Variants in EHD3 observed in about 807,000 individuals in gnomAD.
EHD3 encodes EH domain containing 3.
A neutral mutation model predicts 43.0 loss-of-function variants in EHD3; 17 were observed. The observed-to-expected ratio is 0.40, with a 90% CI of 0.27 to 0.59. EHD3 has a LOEUF of 0.59. Ranked by LOEUF, EHD3 falls within the 20% of genes least tolerant of loss-of-function variation. The pLI, the probability that EHD3 is intolerant of heterozygous loss-of-function variation, is 0.49. For synonymous variants in EHD3, 313 were observed against 289.5 expected, an observed-to-expected ratio of 1.08 and a Z score of -0.82; for missense variants, 594 against 705.6, an observed-to-expected ratio of 0.84 and a Z score of 1.79.
chr2:31,266,809 C>T lies in EHD3; in HGVS notation c.*105C>T, dbSNP rs1683962852. On this transcript the variant is annotated 3_prime_UTR_variant, in exon 6 of 6. Coordinates refer to ENST00000322054, the MANE Select transcript of EHD3 (RefSeq NM_014600.3). The surrounding 1 kb of genome is among the most constrained non-coding windows in gnomAD (Gnocchi z 5.1). Reference sequence around the variant, plus strand: ...ACACACACACAAACATGCACACACACATATGCATATCTTGACATTGCTCTG... The same window carrying T: ...ACACACACACAAACATGCACACACATATATGCATATCTTGACATTGCTCTG... The T allele has an allele frequency of 7.5e-7, 1 of 1,325,092 alleles. No homozygotes were observed. 82.1% of individuals were successfully genotyped at this position (1,325,092 alleles called of 1,614,324 possible).
chr2:31,248,806 G>T (rs150089301), intron 2 of EHD3, among the ~76,000 whole-genome samples: 27 of 152,284 alleles, frequency 1.8e-4, no homozygotes, highest in African/African-American at 5.3e-4. Context: ...ACAGCCACTT[G>T]GCCCACAAGG....
At chr2:31,258,232 T>G (rs1310636566) in intron 3 of EHD3, among the ~76,000 whole-genome samples, 1 of 152,116 alleles carries the variant, frequency 6.6e-6, no homozygotes, top group African/African-American at 2.4e-5. Flanking sequence ...TTCCTTTGTT[T>G]GTTAGAATTC....
intron 3 of EHD3, among the ~76,000 whole-genome samples, chr2:31,254,396 G>A (rs373405438): frequency 2.0e-4 from 30 of 152,314 alleles, no homozygotes; most frequent in African/African-American, 6.7e-4. Flanking sequence ...ACTACGTGCC[G>A]GTACAGGCAC....
intron 3 of EHD3, among the ~76,000 whole-genome samples, chr2:31,250,454 G>A (rs1683613701): frequency 6.6e-6 from 1 of 152,040 alleles, no homozygotes. Flanking sequence ...TTTTAGTAGA[G>A]ACGGAGTTTT....
At chr2:31,262,707 C>T (rs1683878130) in intron 5 of EHD3, among the ~76,000 whole-genome samples, 1 of 152,166 alleles carries the variant, frequency 6.6e-6, no homozygotes, top group African/African-American at 2.4e-5. Flanking sequence ...CACCTGAGGC[C>T]AGGAGTTCGA....
intron 1 of EHD3, among the ~76,000 whole-genome samples, chr2:31,235,121 C>G (rs1230196112): frequency 6.6e-6 from 1 of 152,160 alleles, no homozygotes; most frequent in Non-Finnish European, 1.5e-5. Context: ...CCAGTCTCCC[C>G]ATCTTATGGA....
intron 3 of EHD3, among the ~76,000 whole-genome samples, chr2:31,250,430 C>G (rs2148719366): frequency 6.6e-6 from 1 of 152,170 alleles, no homozygotes; most frequent in African/African-American, 2.4e-5. Flanking sequence ...CCACACCCAG[C>G]TAATTTTTTG....
intron 1 of EHD3, among the ~76,000 whole-genome samples, chr2:31,241,443 A>G (rs1683422452): frequency 6.6e-6 from 1 of 152,212 alleles, no homozygotes; most frequent in African/African-American, 2.4e-5. Flanking sequence ...CTCCTCCTTC[A>G]AATGGAATGA....
intron 1 of EHD3, among the ~76,000 whole-genome samples, chr2:31,242,433 T>C (rs1464121777): frequency 6.6e-6 from 1 of 152,216 alleles, no homozygotes. Flanking sequence ...TTTAAAAACA[T>C]AGCACAATTA....
At chr2:31,250,268 C>CTT (rs34290931) in intron 3 of EHD3, among the ~76,000 whole-genome samples, 1 of 126,076 alleles carries the variant, frequency 7.9e-6, no homozygotes, top group African/African-American at 2.8e-5. Flanking sequence ...TCGTTGTTTT[C>CTT]TTTTTTTTTT....
chr2:31,245,527 A>C, intron 2 of EHD3, among the ~76,000 whole-genome samples: 1 of 58,004 alleles, frequency 1.7e-5, no homozygotes, highest in Admixed American at 2.5e-4. Context: ...CTCTTATCCC[A>C]AATATATATA....
chr2:31,249,267 G>A (rs983176699), intron 2 of EHD3, 104 bp from the exon 3 acceptor site: 1 of 996,114 alleles, frequency 1.0e-6, no homozygotes, highest in Non-Finnish European at 1.5e-6. Flanking sequence ...CCTTCAGGAT[G>A]CACCTGCAGC....
At chr2:31,239,247 T>C (rs1683375068) in intron 1 of EHD3, among the ~76,000 whole-genome samples, 1 of 152,190 alleles carries the variant, frequency 6.6e-6, no homozygotes, top group Non-Finnish European at 1.5e-5. Context: ...ACCCACTCAC[T>C]GCAAAGTCCA....
chr2:31,251,611 T>C (rs961350632), intron 3 of EHD3, among the ~76,000 whole-genome samples: 1 of 152,084 alleles, frequency 6.6e-6, no homozygotes, highest in Non-Finnish European at 1.5e-5. Context: ...TTCTGGGACA[T>C]CACAGTGTCA....
rs1683986604 is a variant in EHD3 at position 31,267,891 on chromosome 2, T to C, written c.*1187T>C. 1 of 152,264 alleles carries C rather than the reference T, an allele frequency of 6.6e-6. No individual in the cohort carries two copies. Among genetic ancestry groups the C allele is most frequent in the South Asian group, 2.1e-4 (1 of 4,834 alleles). The allele number at this position is 152,264 out of a possible 1,614,324, so 9.4% of individuals were successfully genotyped here. A position where few individuals can be genotyped will look rare whatever the true frequency, so the allele number is the denominator to read the frequency against. Reference sequence around the variant, plus strand: ...TCTGTCACGTCACAGAAGCAAACCGTGCCTTCTGGCTCTGCGCCCCATATT... The same window carrying C: ...TCTGTCACGTCACAGAAGCAAACCGCGCCTTCTGGCTCTGCGCCCCATATT... On this transcript the variant is annotated 3_prime_UTR_variant, in exon 6 of 6. Coordinates refer to ENST00000322054, the MANE Select transcript of EHD3 (RefSeq NM_014600.3).
intron 3 of EHD3, among the ~76,000 whole-genome samples, chr2:31,251,881 C>T (rs1683642139): frequency 2.0e-5 from 3 of 152,146 alleles, no homozygotes; most frequent in Non-Finnish European, 4.4e-5. Context: ...ATTCCCAACC[C>T]CAAGTGGTTC....
At chr2:31,262,704 G>A (rs1223865534) in intron 5 of EHD3, among the ~76,000 whole-genome samples, 4 of 152,188 alleles carry the variant, frequency 2.6e-5, no homozygotes, top group Non-Finnish European at 5.9e-5. Flanking sequence ...GATCACCTGA[G>A]GCCAGGAGTT....
chr2:31,239,165 C>T (rs781741326), intron 1 of EHD3, among the ~76,000 whole-genome samples: 1 of 152,194 alleles, frequency 6.6e-6, no homozygotes, highest in Non-Finnish European at 1.5e-5. Context: ...GGCATTACAG[C>T]GCCACTGCGC....
chr2:31,267,017 C>T lies in EHD3; in HGVS notation c.*313C>T, dbSNP rs1490376678. On this transcript the variant is annotated 3_prime_UTR_variant, in exon 6 of 6. Transcript: ENST00000322054. ...ACCAGACCTGAGGCAATTCACTTGC[C>T]AGCACAGATGGCCAACCCACCTCCA... 2 of 320,512 alleles carry T rather than the reference C, an allele frequency of 6.2e-6. No individual in the cohort carries two copies. Among genetic ancestry groups the T allele is most frequent in the African/African-American group, 2.1e-5 (1 of 47,234 alleles). 19.9% of individuals were successfully genotyped at this position (320,512 alleles called of 1,614,324 possible).
Sources: gnomAD v4.1 joint callset for allele counts (sites outside exome capture counted in the v4.1 genomes callset) on GRCh38, gnomAD v4.1.1 for gene constraint, Gnocchi (gnomAD v3.1) non-coding constraint, MANE v1.5 for transcripts, NCBI Gene and HGNC (gene_info 2026-07-23, HGNC 2026-07-21) for gene names.